Variants in ASPG observed in about 807,000 individuals in gnomAD.
ASPG encodes asparaginase.
ASPG carries 53 observed loss-of-function variants against 63.2 expected under a neutral mutation model. The ratio of observed to expected loss-of-function variants is 0.84; its 90% CI spans 0.67 to 1.05. The LOEUF (loss-of-function observed/expected upper bound fraction) is 1.05, where lower values mean the gene tolerates loss of function less well. Ranked by LOEUF, ASPG falls within the 50% of genes least tolerant of loss-of-function variation. The pLI is 0.00. For synonymous variants in ASPG, 370 were observed against 355.0 expected, an observed-to-expected ratio of 1.04 and a Z score of -0.48; for missense variants, 741 against 794.4, an observed-to-expected ratio of 0.93 and a Z score of 0.81.
rs776349498 is a variant in ASPG, at chr14:104,085,829, T to C, written c.59T>C (p.Ile20Thr). Residue 20 changes from isoleucine (I) to threonine (T), a missense_variant, in exon 1 of 16, where the codon ATT becomes ACT. Ile to Thr is a moderately conservative substitution (Grantham distance 89, BLOSUM62 -1). Coordinates refer to ENST00000551177, the MANE Select transcript of ASPG (RefSeq NM_001080464.3). ...RLLAVYTGGT[I>T]GMRSELGVLV... is the part of the protein sequence containing the mutation. ...CTGGCCGTCTACACCGGCGGCACCA[T>C]TGGCATGCGGAGTGAGCTCGGCGGT... is the stretch of plus-strand genomic sequence containing the variant. 2.5e-6 allele frequency: 4 copies of C among 1,590,682 alleles called. No homozygotes were observed. Among genetic ancestry groups the C allele is most frequent in the East Asian group, 2.3e-5 (1 of 43,086 alleles).
intron 11 of ASPG, 88 bp downstream of exon 11, chr14:104,106,982 C>A: frequency 7.2e-7 from 1 of 1,387,084 alleles, no homozygotes; most frequent in Non-Finnish European, 9.8e-7. Context: ...CTTTCATCCA[C>A]CCACTGACCA....
chr14:104,108,017 G>A (rs1009321854), intron 12 of ASPG, among the ~76,000 whole-genome samples: 3 of 152,128 alleles, frequency 2.0e-5, no homozygotes, highest in Non-Finnish European at 4.4e-5. Context: ...GGTTCTTTTC[G>A]GGGAGGGAGT....
Position 104,110,098 on chromosome 14 carries a change from C to A in ASPG, c.1520+783C>A, listed in dbSNP as rs1410196392. ...TGTGCCCAGCCTGGGCTGCCCGAGGCCAGGACGACTCCGAGGGACCCAAAA... is the reference window on the plus strand; with the variant it reads ...TGTGCCCAGCCTGGGCTGCCCGAGGACAGGACGACTCCGAGGGACCCAAAA... On this transcript the variant is annotated intron_variant, in intron 13 of 15. Coordinates refer to ENST00000551177, the MANE Select transcript of ASPG (RefSeq NM_001080464.3). This position sits in a 1 kb window ranked among gnomAD's most constrained non-coding sequence, Gnocchi z 4.7. The A allele has an allele frequency of 1.0e-6, 1 of 985,222 alleles. No homozygotes were observed. The highest frequency in any genetic ancestry group is 1.2e-6 in the Non-Finnish European group (1 of 829,916). The allele number at this position is 985,222 out of a possible 1,614,324, so 61.0% of individuals were successfully genotyped here. A position where few individuals can be genotyped will look rare whatever the true frequency, so the allele number is the denominator to read the frequency against.
At chr14:104,099,969 C>T (rs1023479806) in intron 6 of ASPG, among the ~76,000 whole-genome samples, 1 of 152,162 alleles carries the variant, frequency 6.6e-6, no homozygotes, top group Non-Finnish European at 1.5e-5. Context: ...GGCGCCCCCT[C>T]ACCCACACTG....
intron 13 of ASPG, 26 bp from the exon 14 acceptor site, chr14:104,111,476 A>T: frequency 6.5e-7 from 1 of 1,539,114 alleles, no homozygotes; most frequent in Non-Finnish European, 8.8e-7. Context: ...AGGCCCCAAC[A>T]ACTCCTCCTC....
intron 2 of ASPG, chr14:104,093,288 C>T (rs1049092172): frequency 1.1e-5 from 7 of 644,930 alleles, no homozygotes; most frequent in East Asian, 5.5e-5. Context: ...TCCTGACCTA[C>T]GTCCTTGCCT....
At chr14:104,093,460 T>C in intron 2 of ASPG, 31 bp from the exon 3 acceptor site, 1 of 1,558,470 alleles carries the variant, frequency 6.4e-7, no homozygotes, top group African/African-American at 1.4e-5. Context: ...GGGAGCCTGC[T>C]GTTCCGCCTC....
chr14:104,107,290 G>C lies in ASPG; in HGVS notation c.1378G>C (p.Val460Leu), dbSNP rs374170442. 30 of 1,607,590 alleles carry C rather than the reference G, an allele frequency of 1.9e-5. No individual in the cohort carries two copies. The Admixed American group carries it at 5.0e-4, about 27-fold the overall frequency. ...VTMLLQRGVD[V>L]NTRDTDGFSP... The stretch of plus-strand genomic sequence containing the variant: ...CATGCTGCTGCAGAGAGGTGTGGAC[G>C]TGAACACCCGGGACACGGATGGCTT... Residue 460 changes from valine to leucine, a missense_variant, in exon 12 of 16, where the codon GTG becomes CTG. Coordinates refer to ENST00000551177, the MANE Select transcript of ASPG (RefSeq NM_001080464.3).
intron 1 of ASPG, among the ~76,000 whole-genome samples, chr14:104,087,834 C>T (rs553061794): frequency 1.3e-5 from 2 of 152,336 alleles, no homozygotes; most frequent in South Asian, 2.1e-4. Context: ...TGCACTCACA[C>T]GCGTGCACCG....
At chr14:104,106,478 C>T (rs1179933469) in intron 10 of ASPG, among the ~76,000 whole-genome samples, 2 of 152,002 alleles carry the variant, frequency 1.3e-5, no homozygotes, top group Non-Finnish European at 2.9e-5. Flanking sequence ...GTCCCGACGG[C>T]GGTGGGAGCA....
Position 104,092,686 on chromosome 14 carries a change from C to T in ASPG, c.136C>T (p.His46Tyr), listed in dbSNP as rs1239451662. 1.3e-6 allele frequency: 2 copies of T among 1,538,074 alleles called. No homozygotes were observed. The highest frequency in any genetic ancestry group is 1.7e-6 in the Non-Finnish European group (2 of 1,147,754). Residue 46 changes from histidine (H) to tyrosine (Y), a missense_variant, in exon 2 of 16, where the codon CAT becomes TAT. Transcript: ENST00000551177. ...AAILRTLPMF[H>Y]DEEHARARGL... ...CATCCTGAGGACACTGCCCATGTTCCATGACGAGGAGCACGCCCGAGCCCG... is the reference window on the plus strand; with the variant it reads ...CATCCTGAGGACACTGCCCATGTTCTATGACGAGGAGCACGCCCGAGCCCG...
At chr14:104,106,184 G>C (rs191643707) in intron 10 of ASPG, among the ~76,000 whole-genome samples, 2 of 152,366 alleles carry the variant, frequency 1.3e-5, no homozygotes, top group East Asian at 3.9e-4. Context: ...GGGCCTGAAT[G>C]CTGTAGGGAG....
At chr14:104,098,817 G>T (rs763210649) in intron 5 of ASPG, 36 bp from the exon 6 acceptor site, 8 of 1,603,226 alleles carry the variant, frequency 5.0e-6, no homozygotes, top group East Asian at 2.2e-5. Context: ...GGACAGGGTG[G>T]CCGCTGCTCT....
intron 6 of ASPG, among the ~76,000 whole-genome samples, chr14:104,102,816 G>C (rs1002941389): frequency 5.9e-5 from 9 of 152,188 alleles, no homozygotes; most frequent in African/African-American, 2.2e-4. Flanking sequence ...CCTCTGGGGA[G>C]CCCCTCTGCA....
At chr14:104,099,264 A>G (rs1163097007) in intron 6 of ASPG, among the ~76,000 whole-genome samples, 1 of 152,044 alleles carries the variant, frequency 6.6e-6, no homozygotes, top group African/African-American at 2.4e-5. Flanking sequence ...GTCCTGCCCA[A>G]CCACTCGCCC....
intron 6 of ASPG, among the ~76,000 whole-genome samples, chr14:104,101,849 C>G (rs892848155): frequency 6.6e-6 from 1 of 152,184 alleles, no homozygotes. Flanking sequence ...GCTGAGCTCC[C>G]GTATCTGTAG....
chr14:104,110,793 C>T lies in ASPG; in HGVS notation c.1521-709C>T, dbSNP rs1296228773. 2 of 985,174 alleles carry T rather than the reference C, an allele frequency of 2.0e-6. No individual in the cohort carries two copies. The highest frequency in any genetic ancestry group is 1.7e-5 in the African/African-American group (1 of 57,210). The allele number at this position is 985,174 out of a possible 1,614,324, so 61.0% of individuals were successfully genotyped here. A position where few individuals can be genotyped will look rare whatever the true frequency, so the allele number is the denominator to read the frequency against. On this transcript the variant is annotated intron_variant, in intron 13 of 15. Transcript: ENST00000551177. The surrounding 1 kb of genome is among the most constrained non-coding windows in gnomAD (Gnocchi z 4.7). ...CATGGGTGGGTGGAGCCTTCCCTGC[C>T]GGGTCCCCACCTGGCCTGCTCCTGG...
At chr14:104,097,939 GGTTCTGT>G in intron 5 of ASPG, among the ~76,000 whole-genome samples, 2 of 124,140 alleles carry the variant, frequency 1.6e-5, no homozygotes, top group South Asian at 3.1e-4. Flanking sequence ...TGCGTATGGA[GGTTCTGT>G]GTTAGAGATG....
intron 14 of ASPG, 74 bp downstream of exon 14, chr14:104,111,675 C>T: frequency 7.8e-7 from 1 of 1,276,004 alleles, no homozygotes; most frequent in Non-Finnish European, 1.1e-6. Flanking sequence ...AATTCACCAG[C>T]TCACTGCTCT....
Sources: allele counts gnomAD v4.1 joint callset (sites outside exome capture counted in the v4.1 genomes callset), GRCh38; gene constraint gnomAD v4.1.1; non-coding constraint Gnocchi (gnomAD v3.1); transcripts MANE v1.5; gene names NCBI Gene and HGNC (gene_info 2026-07-23, HGNC 2026-07-21).